Variants in HEATR5A observed in about 807,000 individuals in gnomAD.
HEATR5A encodes HEAT repeat containing 5A.
Under a neutral mutation model 218.8 loss-of-function variants are expected in HEATR5A, and 178 were observed. The observed-to-expected ratio is 0.81, with a 90% confidence interval of 0.72 to 0.92. HEATR5A has a LOEUF of 0.92. Among genes scored for constraint, HEATR5A ranks in the 40% least tolerant of loss-of-function variants. The pLI is 0.00. For synonymous variants in HEATR5A, 864 were observed against 871.6 expected, an observed-to-expected ratio of 0.99 and a Z score of 0.15; for missense variants, 2,420 against 2,418.9, an observed-to-expected ratio of 1.00 and a Z score of -0.01.
chr14:31,350,045 T>G, intron 17 of HEATR5A, 66 bp from the exon 18 acceptor site: 1 of 1,102,472 alleles, frequency 9.1e-7, no homozygotes, highest in South Asian at 2.2e-5. Flanking sequence ...GTTAGGAATG[T>G]ACATTCTGGT....
intron 28 of HEATR5A, among the ~76,000 whole-genome samples, chr14:31,309,985 G>A (rs1001939489): frequency 6.6e-6 from 1 of 152,170 alleles, no homozygotes. Flanking sequence ...TTACAGGTGT[G>A]AGCCACCGCG....
intron 1 of HEATR5A, among the ~76,000 whole-genome samples, chr14:31,410,253 T>C (rs944337048): frequency 3.9e-5 from 6 of 152,156 alleles, no homozygotes; most frequent in African/African-American, 1.2e-4. Context: ...ACTCACCCTA[T>C]AGTCTTAGTT....
chr14:31,337,557 G>C lies in HEATR5A; in HGVS notation c.3286C>G (p.Gln1096Glu), dbSNP rs1305683890. 1.9e-6 allele frequency: 3 copies of C among 1,588,738 alleles called. No homozygotes were observed. The Admixed American group carries it at 5.4e-5, about 28-fold the overall frequency. The stretch of plus-strand genomic sequence containing the variant: ...TCAGCTGCTTCTCTTTGTACAAGCT[G>C]ACGTAAGCAAGCCAGTACTGCTCTT... Reference protein sequence around the residue: ...LRRAVLACLRQLVQREAAEVS... With the variant: ...LRRAVLACLRELVQREAAEVS... Residue 1096 changes from glutamine (Q) to glutamate (E), a missense_variant, in exon 22 of 36, where the codon CAG (glutamine) becomes GAG (glutamate). Coordinates refer to ENST00000543095, the MANE Select transcript of HEATR5A (RefSeq NM_015473.4).
intron 27 of HEATR5A, among the ~76,000 whole-genome samples, chr14:31,315,031 G>A (rs1002366711): frequency 2.0e-5 from 3 of 152,016 alleles, no homozygotes; most frequent in Admixed American, 1.3e-4. Flanking sequence ...AACTTAGCTG[G>A]GCGTGGTGAT....
chr14:31,307,062 T>C (rs941911706), intron 30 of HEATR5A, among the ~76,000 whole-genome samples, 183 bp from the exon 31 acceptor site: 1 of 152,194 alleles, frequency 6.6e-6, no homozygotes, highest in African/African-American at 2.4e-5. Context: ...CAGTGGCTCA[T>C]GCCTGCAATC....
chr14:31,374,693 A>G lies in HEATR5A; in HGVS notation c.1861+123T>C, dbSNP rs759528537. On this transcript the variant is annotated intron_variant, in intron 12 of 35. Coordinates refer to ENST00000543095, the MANE Select transcript of HEATR5A (RefSeq NM_015473.4). The stretch of plus-strand genomic sequence containing the variant: ...TTATAATTTTTTTGTTCAGTTACAA[A>G]AAAAAATCATTAGTGGCATATCCCC... 65 of 877,658 alleles carry G rather than the reference A, an allele frequency of 7.4e-5. 1 individual carries two copies. In the Middle Eastern group the frequency reaches 7.3e-3, roughly 98 times the overall value. 54.4% of individuals were successfully genotyped at this position (877,658 alleles called of 1,614,324 possible).
chr14:31,390,904 C>T (rs958816222), intron 6 of HEATR5A, among the ~76,000 whole-genome samples: 4 of 152,042 alleles, frequency 2.6e-5, no homozygotes, highest in Non-Finnish European at 5.9e-5. Flanking sequence ...AGGAAGTATT[C>T]TAGAACAAGG....
chr14:31,307,928 C>T lies in HEATR5A; in HGVS notation c.4783G>A (p.Val1595Ile), dbSNP rs1899607279. Residue 1595 changes from valine to isoleucine, a missense_variant, in exon 30 of 36, where the codon GTA becomes ATA. Val to Ile is a conservative substitution (Grantham distance 29). Transcript: ENST00000543095. The stretch of plus-strand genomic sequence containing the variant: ...CCAATTTTTGATCTGGGCCAAGGTA[C>T]ATCTAGAAGTGCTTGCAATGCATGT... The part of the protein sequence containing the change: ...CLHALQALLD[V>I]PWPRSKIGSD... 3 of 1,613,706 alleles carry T rather than the reference C, an allele frequency of 1.9e-6. No individual in the cohort carries two copies. The highest frequency in any genetic ancestry group is 2.5e-6 in the Non-Finnish European group (3 of 1,179,800).
At chr14:31,386,285 T>A in intron 9 of HEATR5A, 135 bp downstream of exon 9, 1 of 656,268 alleles carries the variant, frequency 1.5e-6, no homozygotes, top group Non-Finnish European at 2.4e-6. Context: ...TTAATAATCC[T>A]GATTATAAAT....
At chr14:31,366,457 A>G (rs1901807569) in intron 13 of HEATR5A, among the ~76,000 whole-genome samples, 1 of 152,184 alleles carries the variant, frequency 6.6e-6, no homozygotes, top group Non-Finnish European at 1.5e-5. Context: ...TGCAACGTTC[A>G]CTTATTTTAA....
intron 1 of HEATR5A, among the ~76,000 whole-genome samples, chr14:31,412,285 C>A (rs773417890): frequency 6.6e-6 from 1 of 152,004 alleles, no homozygotes; most frequent in Non-Finnish European, 1.5e-5. Flanking sequence ...TAAACAGAAT[C>A]TTCTCATAAA....
At chr14:31,299,621 G>C (rs541001831) in intron 33 of HEATR5A, among the ~76,000 whole-genome samples, 12 of 152,152 alleles carry the variant, frequency 7.9e-5, no homozygotes, top group Non-Finnish European at 1.8e-4. Flanking sequence ...TACTTGGGAG[G>C]CTGAGGCAGG....
chr14:31,324,748 G>A (rs578062098), intron 23 of HEATR5A, among the ~76,000 whole-genome samples: 6 of 147,542 alleles, frequency 4.1e-5, no homozygotes, highest in South Asian at 2.1e-4. Flanking sequence ...CTGCAGCCTC[G>A]AACACCTGGG....
intron 6 of HEATR5A, among the ~76,000 whole-genome samples, chr14:31,392,305 C>T (rs2030484460): frequency 1.3e-5 from 2 of 152,016 alleles, no homozygotes; most frequent in South Asian, 4.1e-4. Context: ...TGCAATGTAT[C>T]TGGCAATACT....
chr14:31,347,686 AAC>A (rs1367352453), intron 19 of HEATR5A, 60 bp downstream of exon 19: 1 of 1,241,724 alleles, frequency 8.1e-7, no homozygotes, highest in African/African-American at 1.5e-5. Flanking sequence ...GTTCAATATA[AAC>A]ACAATCTGCA....
At chr14:31,372,158 C>G (rs932543752) in intron 12 of HEATR5A, among the ~76,000 whole-genome samples, 1 of 147,422 alleles carries the variant, frequency 6.8e-6, no homozygotes, top group Admixed American at 6.9e-5. Context: ...TGCTGCTGTT[C>G]TAGGGTTTTA....
chr14:31,401,819 A>G lies in HEATR5A; in HGVS notation c.126+1031T>C, dbSNP rs572895387. Among the ~76,000 whole-genome samples, 9 of 152,320 alleles carry G rather than the reference A, an allele frequency of 5.9e-5. No individual in the cohort carries two copies. The East Asian group carries it at 1.7e-3, about 29-fold the overall frequency. Reference sequence around the variant, plus strand: ...ATGGCTACCTGTTTTATTCAGGTCTATTCCTAAGTGTAGGGCAATTTTCTT... The same window carrying G: ...ATGGCTACCTGTTTTATTCAGGTCTGTTCCTAAGTGTAGGGCAATTTTCTT... On this transcript the variant is annotated intron_variant, in intron 2 of 35. Transcript: ENST00000543095.
At chr14:31,315,730 C>G (rs1224785088) in intron 27 of HEATR5A, 40 bp downstream of exon 27, 3 of 1,479,984 alleles carry the variant, frequency 2.0e-6, no homozygotes, top group Non-Finnish European at 2.7e-6. Flanking sequence ...TGTTTATTAA[C>G]AACTTCCAAA....
intron 16 of HEATR5A, among the ~76,000 whole-genome samples, chr14:31,355,373 A>G (rs935772524): frequency 6.6e-6 from 1 of 152,004 alleles, no homozygotes; most frequent in Non-Finnish European, 1.5e-5. Context: ...AGATGGTGCC[A>G]CTGCACTCCA....
Sources: allele counts gnomAD v4.1 joint callset (sites outside exome capture counted in the v4.1 genomes callset), GRCh38; gene constraint gnomAD v4.1.1; transcripts MANE v1.5; gene names NCBI Gene and HGNC (gene_info 2026-07-23, HGNC 2026-07-21).